CEP128: variants seen among roughly 807,000 people sequenced by gnomAD.
The protein encoded by CEP128 is centrosomal protein 128.
CEP128 carries 132 observed loss-of-function variants against 156.7 expected under a neutral mutation model. The ratio of observed to expected loss-of-function variants is 0.84; its 90% CI spans 0.73 to 0.97. CEP128 has a LOEUF of 0.97. Among genes scored for constraint, CEP128 ranks in the 50% least tolerant of loss-of-function variants. The pLI is 0.00. For missense variants in CEP128, 1,252 were observed against 1,281.9 expected (o/e 0.98, Z 0.36); for synonymous variants, 469 against 448.9 (o/e 1.04, Z -0.57).
chr14:80,563,524 CTTTTTTTTTTTT>C (rs540593415), intron 20 of CEP128, among the ~76,000 whole-genome samples: 5 of 78,872 alleles, frequency 6.3e-5, no homozygotes, highest in South Asian at 5.5e-4. Flanking sequence ...GCCTCCAAAT[CTTTTTTTTTTTT>C]TTTTTTTTTT....
chr14:80,691,308 T>C (rs1896711961), intron 19 of CEP128, among the ~76,000 whole-genome samples: 2 of 152,210 alleles, frequency 1.3e-5, no homozygotes, highest in African/African-American at 4.8e-5. Context: ...ATTATCCTTT[T>C]AGCGAGAATA....
At chr14:80,930,971 G>A (rs574795904) in intron 2 of CEP128, among the ~76,000 whole-genome samples, 1 of 152,302 alleles carries the variant, frequency 6.6e-6, no homozygotes, top group African/African-American at 2.4e-5. Flanking sequence ...ATAACTAGAT[G>A]AATGATGAAA....
At chr14:80,917,353 G>A (rs1160348964) in intron 2 of CEP128, among the ~76,000 whole-genome samples, 1 of 152,134 alleles carries the variant, frequency 6.6e-6, no homozygotes, top group African/African-American at 2.4e-5. Context: ...GAACAAAGAA[G>A]CATCAGAGAA....
At chr14:80,648,778 A>T (rs573391957) in intron 19 of CEP128, among the ~76,000 whole-genome samples, 3 of 152,236 alleles carry the variant, frequency 2.0e-5, no homozygotes, top group Admixed American at 2.0e-4. Context: ...AAAGTGTACC[A>T]AACACTAATA....
chr14:80,940,891 G>A (rs1443331002), intron 1 of CEP128, among the ~76,000 whole-genome samples: 3 of 152,114 alleles, frequency 2.0e-5, no homozygotes, highest in Non-Finnish European at 4.4e-5. Flanking sequence ...AACAACAAAT[G>A]CTGAGCACTT....
At position 80,740,930 on chromosome 14, in the gene CEP128, C is replaced by T. The variant is rs1595327617; in HGVS notation, c.2806+2145G>A. Among the ~76,000 whole-genome samples, 5 of 152,116 alleles carry T rather than the reference C, an allele frequency of 3.3e-5. 1 individual carries two copies. Among genetic ancestry groups the T allele is most frequent in the South Asian group, 4.1e-4 (2 of 4,822 alleles). On this transcript the variant is annotated intron_variant, in intron 19 of 24. Coordinates refer to ENST00000555265, the MANE Select transcript of CEP128 (RefSeq NM_152446.5). ...CAGTGAGGAATTGGTGAAGGTCCCA[C>T]CTAATAAAACAAATCCAGAAGAGTA... is the stretch of plus-strand genomic sequence containing the variant.
intron 19 of CEP128, among the ~76,000 whole-genome samples, chr14:80,693,536 A>G (rs1896787726): frequency 2.0e-5 from 3 of 152,204 alleles, no homozygotes; most frequent in Non-Finnish European, 4.4e-5. Context: ...ATAAACTGCC[A>G]TAACTATTTG....
intron 14 of CEP128, among the ~76,000 whole-genome samples, chr14:80,481,272 G>A (rs1173099029): frequency 5.9e-5 from 9 of 152,200 alleles, no homozygotes; most frequent in Non-Finnish European, 1.3e-4. Flanking sequence ...GCAGCAGCAA[G>A]AGAAAAATGA....
intron 19 of CEP128, among the ~76,000 whole-genome samples, chr14:80,676,159 T>C (rs1459857393): frequency 1.3e-5 from 2 of 152,166 alleles, no homozygotes; most frequent in Non-Finnish European, 2.9e-5. Context: ...TGAACATCTC[T>C]ATGATACACA....
rs201128361 is a variant in CEP128 at position 80,840,794 on chromosome 14, T to G, written c.763-26A>C. The G allele has an allele frequency of 2.8e-6, 4 of 1,420,642 alleles. No individual in the cohort carries two copies. The Admixed American group carries it at 6.8e-5, about 24-fold the overall frequency. The allele number at this position is 1,420,642 out of a possible 1,614,324, so 88.0% of individuals were successfully genotyped here. A position where few individuals can be genotyped will look rare whatever the true frequency, so the allele number is the denominator to read the frequency against. On this transcript the variant is annotated intron_variant, in intron 9 of 24. Transcript: ENST00000555265. ...CTGGAATGAAAGAGGTGGAAAAAAA[T>G]TATCCCAAAATATGTACAAAACTGA...
chr14:80,687,806 T>A (rs1896578501), intron 19 of CEP128, among the ~76,000 whole-genome samples: 1 of 152,198 alleles, frequency 6.6e-6, no homozygotes, highest in South Asian at 2.1e-4. Context: ...GAGATCGCAC[T>A]CATGCACGAA....
At chr14:80,931,918 G>C (rs1375495833) in intron 2 of CEP128, among the ~76,000 whole-genome samples, 15 of 152,148 alleles carry the variant, frequency 9.9e-5, no homozygotes, top group Admixed American at 9.8e-4. Context: ...TCCTAATATA[G>C]TCTGGCTGTG....
chr14:80,778,220 G>A (rs541859126), intron 15 of CEP128, among the ~76,000 whole-genome samples, 174 bp from the exon 16 acceptor site: 67 of 152,226 alleles, frequency 4.4e-4, no homozygotes, highest in Non-Finnish European at 5.3e-4. Context: ...TTATTCAATC[G>A]CTCATCAGTA....
Position 80,870,957 on chromosome 14 carries a change from CAA to C in CEP128, c.646-8086_646-8085del, listed in dbSNP as rs545433576. ...AGCAGCATTTCTATACATAACAACT[CAA>C]AAAAAAAAAGTCCTGTTCACTATAG... On this transcript the variant is annotated intron_variant, in intron 8 of 24. Transcript: ENST00000555265. Among the ~76,000 whole-genome samples, 444 of 137,186 alleles carry C rather than the reference CAA, an allele frequency of 3.2e-3. 5 individuals carry two copies. Among genetic ancestry groups the C allele is most frequent in the African/African-American group, 0.011 (427 of 37,536 alleles). 90.0% of individuals were successfully genotyped at this position (137,186 alleles called of 152,430 possible).
intron 8 of CEP128, among the ~76,000 whole-genome samples, chr14:80,886,738 C>G (rs919551673): frequency 2.0e-5 from 3 of 152,162 alleles, no homozygotes; most frequent in Non-Finnish European, 4.4e-5. Flanking sequence ...GCAAAATAAC[C>G]AGCTAGCATC....
intron 2 of CEP128, among the ~76,000 whole-genome samples, chr14:80,918,811 G>A (rs889799329): frequency 6.6e-6 from 1 of 151,900 alleles, no homozygotes; most frequent in Non-Finnish European, 1.5e-5. Flanking sequence ...TCTTAACTAG[G>A]CACCAGGAAA....
At chr14:80,844,383 C>T (rs576349157) in intron 9 of CEP128, among the ~76,000 whole-genome samples, 53 of 152,124 alleles carry the variant, frequency 3.5e-4, no homozygotes, top group Admixed American at 2.2e-3. Flanking sequence ...ACACCACACA[C>T]TTTGGTAGGT....
intron 6 of CEP128, among the ~76,000 whole-genome samples, chr14:80,902,181 A>G (rs905937397): frequency 3.9e-5 from 6 of 152,184 alleles, no homozygotes; most frequent in African/African-American, 1.4e-4. Context: ...GGTTGTATTT[A>G]TGTATTTATT....
At chr14:80,730,479 T>C (rs761795990) in intron 19 of CEP128, among the ~76,000 whole-genome samples, 27 of 152,330 alleles carry the variant, frequency 1.8e-4, no homozygotes, top group Non-Finnish European at 3.7e-4. Flanking sequence ...GGTGAACTTC[T>C]AGCTGGAGAC....
Sources: allele counts gnomAD v4.1 joint callset (sites outside exome capture counted in the v4.1 genomes callset), GRCh38; gene constraint gnomAD v4.1.1; transcripts MANE v1.5; gene names NCBI Gene and HGNC (gene_info 2026-07-23, HGNC 2026-07-21).